MAGI1: variants seen among roughly 807,000 people sequenced by gnomAD.
The protein encoded by MAGI1 is membrane-associated guanylate kinase, WW and PDZ domain-containing protein 1.
Under a neutral mutation model 139.9 loss-of-function variants are expected in MAGI1, and 58 were observed. That is an observed-to-expected ratio of 0.41 (90% CI 0.34 to 0.52). The LOEUF (loss-of-function observed/expected upper bound fraction) is 0.52, where lower values mean the gene tolerates loss of function less well. Ranked by LOEUF, MAGI1 falls within the 20% of genes least tolerant of loss-of-function variation. The probability of loss-of-function intolerance (pLI) is 0.12; values close to 1 mark genes in which losing one functional copy is unlikely to be tolerated. For synonymous variants in MAGI1, 812 were observed against 737.9 expected, an observed-to-expected ratio of 1.10 and a Z score of -1.63; for missense variants, 1,874 against 1,901.6, an observed-to-expected ratio of 0.99 and a Z score of 0.27.
chr3:65,544,773 C>T (rs1255327048), intron 2 of MAGI1, among the ~76,000 whole-genome samples: 2 of 151,976 alleles, frequency 1.3e-5, no homozygotes, highest in East Asian at 1.9e-4. Context: ...GGCCAGTTCC[C>T]GAATAGCAAA....
At chr3:65,529,873 A>G (rs562656328) in intron 2 of MAGI1, among the ~76,000 whole-genome samples, 1 of 152,328 alleles carries the variant, frequency 6.6e-6, no homozygotes, top group South Asian at 2.1e-4. Flanking sequence ...TTTCTGCAGT[A>G]GTAAGCCTTT....
chr3:65,837,397 G>A (rs2058662209), intron 1 of MAGI1, among the ~76,000 whole-genome samples: 1 of 152,124 alleles, frequency 6.6e-6, no homozygotes, highest in Admixed American at 6.5e-5. Context: ...TTGATGCCAC[G>A]ACCTCCCAGA....
At chr3:65,639,542 T>C (rs1052903696) in intron 1 of MAGI1, among the ~76,000 whole-genome samples, 3 of 152,160 alleles carry the variant, frequency 2.0e-5, no homozygotes, top group Non-Finnish European at 4.4e-5. Flanking sequence ...TCCACGTATC[T>C]GGTCAAACAG....
intron 1 of MAGI1, among the ~76,000 whole-genome samples, chr3:65,991,150 G>A (rs112692360): frequency 7.2e-5 from 11 of 151,956 alleles, no homozygotes; most frequent in South Asian, 2.1e-4. Flanking sequence ...TCAGCCAGGC[G>A]TGGTAGCATG....
At chr3:65,452,735 A>T (rs1949107430) in intron 6 of MAGI1, 1 of 152,458 alleles carries the variant, frequency 6.6e-6, no homozygotes, top group African/African-American at 2.4e-5. Context: ...GTCTCAAAAG[A>T]ATACACTTAC....
chr3:66,014,632 G>A (rs2067523606), intron 1 of MAGI1, among the ~76,000 whole-genome samples: 1 of 152,166 alleles, frequency 6.6e-6, no homozygotes, highest in Non-Finnish European at 1.5e-5. Flanking sequence ...GGTTTCTAGT[G>A]GTAGAAAGGC....
chr3:65,552,593 A>C lies in MAGI1; in HGVS notation c.431-58962T>G, dbSNP rs560196982. Among the ~76,000 whole-genome samples the C allele has an allele frequency of 7.9e-5, 12 of 152,310 alleles. No homozygotes were observed. In the South Asian group the frequency reaches 1.9e-3, roughly 24 times the overall value. Reference sequence around the variant, plus strand: ...TGGGTAAATGCAACTGGGGACAAGAAAATGAGGGCTTGGTGGTGATGTCAC... The same window carrying C: ...TGGGTAAATGCAACTGGGGACAAGACAATGAGGGCTTGGTGGTGATGTCAC... On this transcript the variant is annotated intron_variant, in intron 2 of 22. Coordinates refer to ENST00000402939, the MANE Select transcript of MAGI1 (RefSeq NM_001033057.2).
intron 1 of MAGI1, among the ~76,000 whole-genome samples, chr3:65,715,592 T>C (rs1172217535): frequency 6.6e-6 from 1 of 152,066 alleles, no homozygotes; most frequent in Non-Finnish European, 1.5e-5. Context: ...GGGAAGGAAA[T>C]GGCAGGTACA....
chr3:66,037,357 G>A (rs1159558320), intron 1 of MAGI1, among the ~76,000 whole-genome samples: 1 of 152,086 alleles, frequency 6.6e-6, no homozygotes. Context: ...CCCGATTCGA[G>A]CTAAAAGCAA....
intron 2 of MAGI1, among the ~76,000 whole-genome samples, chr3:65,510,548 G>T (rs2077534632): frequency 2.0e-5 from 3 of 148,258 alleles, no homozygotes; most frequent in South Asian, 4.4e-4. Flanking sequence ...GGAAGAAAGG[G>T]TATCAGCAAT....
At chr3:65,702,344 G>A (rs1322525590) in intron 1 of MAGI1, among the ~76,000 whole-genome samples, 2 of 152,094 alleles carry the variant, frequency 1.3e-5, no homozygotes, top group African/African-American at 4.8e-5. Context: ...TTTCCACAGT[G>A]GAACCCAATA....
chr3:65,980,497 A>G (rs1465624855), intron 1 of MAGI1, among the ~76,000 whole-genome samples: 2 of 149,940 alleles, frequency 1.3e-5, no homozygotes, highest in Admixed American at 6.7e-5. Flanking sequence ...CAGGAGGTGA[A>G]GGTTGCAGCG....
chr3:65,709,946 G>A (rs1255803506), intron 1 of MAGI1, among the ~76,000 whole-genome samples: 1 of 152,140 alleles, frequency 6.6e-6, no homozygotes, highest in Non-Finnish European at 1.5e-5. Context: ...GAGAAACACT[G>A]CATCCCAAAC....
At chr3:65,552,148 G>A (rs1474407488) in intron 2 of MAGI1, among the ~76,000 whole-genome samples, 1 of 152,172 alleles carries the variant, frequency 6.6e-6, no homozygotes, top group Non-Finnish European at 1.5e-5. Context: ...CTGAGGGTTA[G>A]GAGGCAGAAA....
intron 1 of MAGI1, among the ~76,000 whole-genome samples, chr3:65,831,945 T>A (rs1406255243): frequency 6.6e-6 from 1 of 152,202 alleles, no homozygotes; most frequent in Non-Finnish European, 1.5e-5. Context: ...TACTGAATGT[T>A]GAGTAATAAT....
At chr3:65,702,440 G>T (rs1576802649) in intron 1 of MAGI1, among the ~76,000 whole-genome samples, 2 of 152,164 alleles carry the variant, frequency 1.3e-5, no homozygotes, top group South Asian at 2.1e-4. Context: ...CATGGCAGAG[G>T]TGACACACAC....
Position 65,470,270 on chromosome 3 carries a change from T to A in MAGI1, c.959+13A>T. 6.5e-7 allele frequency: 1 copy of A among 1,549,818 alleles called. No individual in the cohort carries two copies. ...GAGAGAGAGATTTAGGTAGAAATAA[T>A]GGTATACTTTACTCTATAAAATAGA... On this transcript the variant is annotated intron_variant, in intron 5 of 22. Coordinates refer to ENST00000402939, the MANE Select transcript of MAGI1 (RefSeq NM_001033057.2).
intron 1 of MAGI1, among the ~76,000 whole-genome samples, chr3:65,704,096 A>G (rs916611017): frequency 1.1e-4 from 17 of 152,174 alleles, no homozygotes; most frequent in Non-Finnish European, 2.5e-4. Context: ...AAGGCAGGGC[A>G]TCACCAATCC....
At chr3:65,763,533 A>AC (rs2037209705) in intron 1 of MAGI1, among the ~76,000 whole-genome samples, 2 of 152,104 alleles carry the variant, frequency 1.3e-5, no homozygotes, top group Non-Finnish European at 2.9e-5. Context: ...TTCTATAGTA[A>AC]CTCATTTAAT....
Sources: allele counts gnomAD v4.1 joint callset (sites outside exome capture counted in the v4.1 genomes callset), GRCh38; gene constraint gnomAD v4.1.1; transcripts MANE v1.5; gene names NCBI Gene and HGNC (gene_info 2026-07-23, HGNC 2026-07-21).